The following NELL1 variants were observed in gnomAD, a reference collection of about 807,000 sequenced individuals.
NELL1 encodes the protein protein kinase C-binding protein NELL1.
A neutral mutation model predicts 107.4 loss-of-function variants in NELL1; 76 were observed. The ratio of observed to expected loss-of-function variants is 0.71; its 90% confidence interval spans 0.59 to 0.86. The LOEUF (loss-of-function observed/expected upper bound fraction) is 0.86, where lower values mean the gene tolerates loss of function less well. Ranked by LOEUF, NELL1 falls within the 40% of genes least tolerant of loss-of-function variation. The pLI is 0.00. For synonymous variants in NELL1, 353 were observed against 341.2 expected, an observed-to-expected ratio of 1.03 and a Z score of -0.38; for missense variants, 1,024 against 1,005.5, an observed-to-expected ratio of 1.02 and a Z score of -0.25.
chr11:20,881,475 C>G (rs1047620871), intron 4 of NELL1, among the ~76,000 whole-genome samples: 1 of 152,130 alleles, frequency 6.6e-6, no homozygotes, highest in African/African-American at 2.4e-5. Flanking sequence ...GCTGCTTAAC[C>G]AAGGACGAGT....
At chr11:20,766,595 T>C (rs1303625307) in intron 2 of NELL1, among the ~76,000 whole-genome samples, 1 of 152,190 alleles carries the variant, frequency 6.6e-6, no homozygotes, top group East Asian at 1.9e-4. Flanking sequence ...AGCAACTTCC[T>C]GGGGTCCTGC....
In NELL1 at chr11:21,390,540, T is replaced by TACACACACACACACAC. The variant is rs1420510915; in HGVS notation, c.1645+19592_1645+19593insACACACACACACACAC. Reference sequence around the variant, plus strand: ...ACACACACACACACACACACACACGTGCGCACGCACCCAAACACTTCCCAT... The same window carrying TACACACACACACACAC: ...ACACACACACACACACACACACACGTACACACACACACACACGCGCACGCACCCAAACACTTCCCAT... On this transcript the variant is annotated intron_variant, in intron 15 of 19. Coordinates refer to ENST00000357134, the MANE Select transcript of NELL1 (RefSeq NM_006157.5). 3.2e-3 allele frequency among the ~76,000 whole-genome samples: 461 copies of TACACACACACACACAC among 145,258 alleles called. 4 individuals are homozygous for TACACACACACACACAC. Among genetic ancestry groups the TACACACACACACACAC allele is most frequent in the African/African-American group, 9.3e-3 (364 of 39,270 alleles).
intron 2 of NELL1, among the ~76,000 whole-genome samples, chr11:20,730,151 A>G (rs577901517): frequency 1.7e-4 from 26 of 152,326 alleles, no homozygotes; most frequent in African/African-American, 5.8e-4. Context: ...GGCAGATCCA[A>G]GTTTGATTCC....
At chr11:21,446,895 T>G (rs1464661660) in intron 15 of NELL1, among the ~76,000 whole-genome samples, 2 of 152,234 alleles carry the variant, frequency 1.3e-5, no homozygotes, top group African/African-American at 4.8e-5. Context: ...GGTCCAGAGA[T>G]GCCGTCTGGG....
intron 13 of NELL1, among the ~76,000 whole-genome samples, chr11:21,205,170 C>T (rs576551567): frequency 6.6e-6 from 1 of 152,300 alleles, no homozygotes; most frequent in South Asian, 2.1e-4. Context: ...TCTTCAGCAG[C>T]CATCAGGCAG....
At chr11:21,113,554 G>T in intron 12 of NELL1, 35 bp from the exon 13 acceptor site, 2 of 1,589,668 alleles carry the variant, frequency 1.3e-6, no homozygotes, top group African/African-American at 1.3e-5. Context: ...CCATTATTTT[G>T]CTAACCATGA....
chr11:20,954,886 T>C (rs1305439519), intron 11 of NELL1, among the ~76,000 whole-genome samples: 1 of 152,116 alleles, frequency 6.6e-6, no homozygotes, highest in African/African-American at 2.4e-5. Context: ...TCAACACTGT[T>C]TGAAGGGCTT....
chr11:20,861,617 G>A (rs2134074235), intron 4 of NELL1, among the ~76,000 whole-genome samples: 1 of 152,302 alleles, frequency 6.6e-6, no homozygotes, highest in Non-Finnish European at 1.5e-5. Flanking sequence ...ACTGAGATGG[G>A]AGTAACAAGA....
chr11:20,986,247 G>A (rs1366727308), intron 12 of NELL1, among the ~76,000 whole-genome samples: 2 of 152,202 alleles, frequency 1.3e-5, no homozygotes, highest in Admixed American at 1.3e-4. Context: ...GAATATGTTA[G>A]ATCAGGACTT....
At chr11:21,190,679 GCC>G (rs769138423) in intron 13 of NELL1, among the ~76,000 whole-genome samples, 1 of 151,872 alleles carries the variant, frequency 6.6e-6, no homozygotes, top group Non-Finnish European at 1.5e-5. Context: ...CTCAGGGACA[GCC>G]CTGGAAATGT....
At position 21,554,516 on chromosome 11, in the gene NELL1, G is replaced by T. The variant is rs143439671; in HGVS notation, c.1787-5673G>T. Among the ~76,000 whole-genome samples, 165 of 151,848 alleles carry T rather than the reference G, an allele frequency of 1.1e-3. 3 individuals are homozygous for T. The East Asian group carries it at 0.029, about 27-fold the overall frequency. On this transcript the variant is annotated intron_variant, in intron 16 of 19. Transcript: ENST00000357134. Reference sequence around the variant, plus strand: ...TGCATCATAAGAGATCAGGAGTGGTGGTACAGATTTGAGTATATTTGAGTA... The same window carrying T: ...TGCATCATAAGAGATCAGGAGTGGTTGTACAGATTTGAGTATATTTGAGTA...
At chr11:20,975,959 T>C (rs895814832) in intron 12 of NELL1, among the ~76,000 whole-genome samples, 6 of 80,854 alleles carry the variant, frequency 7.4e-5, no homozygotes, top group African/African-American at 1.6e-4. Context: ...ATGTACATTA[T>C]ATATACATTA....
intron 15 of NELL1, among the ~76,000 whole-genome samples, chr11:21,497,213 G>A (rs1855004778): frequency 6.6e-6 from 1 of 151,016 alleles, no homozygotes; most frequent in African/African-American, 2.4e-5. Context: ...TGTAAATGAC[G>A]AGTTAATGGG....
chr11:21,380,908 C>T lies in NELL1; in HGVS notation c.1645+9960C>T, dbSNP rs555619221. 1.1e-4 allele frequency among the ~76,000 whole-genome samples: 16 copies of T among 152,094 alleles called. 1 individual carries two copies. In the South Asian group the frequency reaches 3.3e-3, roughly 32 times the overall value. On this transcript the variant is annotated intron_variant, in intron 15 of 19. Coordinates refer to ENST00000357134, the MANE Select transcript of NELL1 (RefSeq NM_006157.5). ...GCCTGAGTTTTGATACTAAATCTGCCTCTGTGAAGTGAAATTTACATTAAT... is the reference window on the plus strand; with the variant it reads ...GCCTGAGTTTTGATACTAAATCTGCTTCTGTGAAGTGAAATTTACATTAAT...
intron 13 of NELL1, among the ~76,000 whole-genome samples, chr11:21,145,724 T>G (rs1855964158): frequency 1.3e-5 from 2 of 152,304 alleles, no homozygotes; most frequent in Non-Finnish European, 1.5e-5. Flanking sequence ...TTAACCTTTA[T>G]AGTGAAACCT....
At chr11:20,836,345 TG>T (rs1848534663) in intron 3 of NELL1, among the ~76,000 whole-genome samples, 1 of 151,866 alleles carries the variant, frequency 6.6e-6, no homozygotes, top group Non-Finnish European at 1.5e-5. Flanking sequence ...TGTTTATTGC[TG>T]GTCTGAGTGT....
chr11:21,491,957 G>A (rs978836717), intron 15 of NELL1, among the ~76,000 whole-genome samples: 60 of 152,012 alleles, frequency 3.9e-4, no homozygotes, highest in African/African-American at 1.2e-3. Context: ...TCTCTTTGAA[G>A]CAACTGTGAA....
At chr11:21,192,888 A>G (rs1196082684) in intron 13 of NELL1, among the ~76,000 whole-genome samples, 2 of 151,804 alleles carry the variant, frequency 1.3e-5, no homozygotes, top group African/African-American at 2.4e-5. Flanking sequence ...GTGCTCATCC[A>G]TTTTCCAGTG....
At chr11:21,442,439 A>G (rs1853309257) in intron 15 of NELL1, among the ~76,000 whole-genome samples, 1 of 152,212 alleles carries the variant, frequency 6.6e-6, no homozygotes. Context: ...GGAGACACCC[A>G]AGAAATACTT....
Sources: allele counts gnomAD v4.1 joint callset (sites outside exome capture counted in the v4.1 genomes callset), GRCh38; gene constraint gnomAD v4.1.1; transcripts MANE v1.5; gene names NCBI Gene and HGNC (gene_info 2026-07-23, HGNC 2026-07-21).